Variants in LRP1B observed in about 807,000 individuals in gnomAD.
LRP1B encodes the protein LDL receptor related protein 1B, also known as low-density lipoprotein receptor-related protein 1B.
Under a neutral mutation model 556.6 loss-of-function variants are expected in LRP1B, and 217 were observed. The ratio of observed to expected loss-of-function variants is 0.39; its 90% CI spans 0.35 to 0.44. LRP1B has a LOEUF of 0.44. LRP1B is among the 20% of genes least tolerant of loss of function. LRP1B has a pLI of 1.00. For missense variants in LRP1B, 5,053 were observed against 5,620.8 expected, an observed-to-expected ratio of 0.90 and a Z score of 3.23; for synonymous variants, 2,047 against 1,865.8, an observed-to-expected ratio of 1.10 and a Z score of -2.50.
In LRP1B at chr2:141,519,360, G is replaced by GATATATATAT. The variant is rs60473210; in HGVS notation, c.206-38837_206-38828dup. ...CACCATGTGTGGGGCTTAAGTCAAT[G>GATATATATAT]ATATATATATATATATATATATATA... On this transcript the variant is annotated intron_variant, in intron 2 of 90. Coordinates refer to ENST00000389484, the MANE Select transcript of LRP1B (RefSeq NM_018557.3). Among the ~76,000 whole-genome samples, 603 of 67,916 alleles carry GATATATATAT rather than the reference G, an allele frequency of 8.9e-3. 10 individuals carry two copies. Among genetic ancestry groups the GATATATATAT allele is most frequent in the East Asian group, 0.018 (23 of 1,244 alleles). 44.6% of individuals were successfully genotyped at this position (67,916 alleles called of 152,430 possible).
chr2:141,882,377 C>T (rs1189230218), intron 1 of LRP1B, among the ~76,000 whole-genome samples: 3 of 152,066 alleles, frequency 2.0e-5, no homozygotes, highest in Non-Finnish European at 4.4e-5. Flanking sequence ...AACATTAAAC[C>T]CTAATATGGG....
chr2:140,706,828 C>CTTTTTTT (rs5834767), intron 37 of LRP1B, among the ~76,000 whole-genome samples: 1 of 150,478 alleles, frequency 6.6e-6, no homozygotes, highest in Non-Finnish European at 1.5e-5. Context: ...TCAGGAAAAA[C>CTTTTTTT]TTTTTTTTTT....
intron 1 of LRP1B, among the ~76,000 whole-genome samples, chr2:141,863,171 T>G (rs542864355): frequency 6.6e-6 from 1 of 152,186 alleles, no homozygotes; most frequent in Non-Finnish European, 1.5e-5. Context: ...TAAACTTCTA[T>G]AGCACCAAAC....
chr2:140,977,670 A>G (rs932905415), intron 18 of LRP1B, among the ~76,000 whole-genome samples: 1 of 152,222 alleles, frequency 6.6e-6, no homozygotes, highest in Non-Finnish European at 1.5e-5. Context: ...TAGAAATATA[A>G]ATTCTTGGGC....
chr2:141,083,232 G>A (rs1699968506), intron 7 of LRP1B, among the ~76,000 whole-genome samples: 1 of 151,968 alleles, frequency 6.6e-6, no homozygotes, highest in Non-Finnish European at 1.5e-5. Context: ...AATAAAATTT[G>A]TATTACTGTT....
At chr2:140,768,780 C>T (rs1372592786) in intron 35 of LRP1B, among the ~76,000 whole-genome samples, 1 of 151,830 alleles carries the variant, frequency 6.6e-6, no homozygotes, top group Non-Finnish European at 1.5e-5. Flanking sequence ...ATAATTGTTT[C>T]TAGTATTTGG....
intron 1 of LRP1B, among the ~76,000 whole-genome samples, chr2:141,956,775 T>A (rs576177222): frequency 1.3e-5 from 2 of 152,038 alleles, no homozygotes; most frequent in African/African-American, 4.8e-5. Context: ...GGATAAAACA[T>A]AGATAAATAT....
chr2:140,385,984 T>A lies in LRP1B; in HGVS notation c.10440A>T (p.Glu3480Asp). 1 of 1,612,760 alleles carries A rather than the reference T, an allele frequency of 6.2e-7. No homozygotes were observed. Among genetic ancestry groups the A allele is most frequent in the Non-Finnish European group, 8.5e-7 (1 of 1,178,878 alleles). Residue 3480 changes from glutamate (E) to aspartate (D), a missense_variant, in exon 67 of 91, where the codon GAA (glutamate) becomes GAT (aspartate). Coordinates refer to ENST00000389484, the MANE Select transcript of LRP1B (RefSeq NM_018557.3). ...NCDKKTCGPH[E>D]FQCKNNNCIP... is the part of the protein sequence containing the mutation. The stretch of plus-strand genomic sequence containing the variant: ...TACAGTTGTTGTTTTTACACTGGAA[T>A]TCATGAGGTCCACAAGTCTTTTTAT...
At chr2:141,684,920 A>G (rs965893038) in intron 2 of LRP1B, among the ~76,000 whole-genome samples, 2 of 152,070 alleles carry the variant, frequency 1.3e-5, no homozygotes, top group South Asian at 4.1e-4. Flanking sequence ...GCTCAGGTAC[A>G]AGCATACCTA....
chr2:140,812,461 TTTTAA>T (rs960844562), intron 32 of LRP1B, among the ~76,000 whole-genome samples: 1 of 152,106 alleles, frequency 6.6e-6, no homozygotes, highest in African/African-American at 2.4e-5. Flanking sequence ...ATCTAGATAT[TTTTAA>T]TTTAATTGAA....
chr2:141,036,117 G>C (rs1698525984), intron 11 of LRP1B, among the ~76,000 whole-genome samples: 1 of 151,908 alleles, frequency 6.6e-6, no homozygotes, highest in Admixed American at 6.6e-5. Flanking sequence ...TAGGTCTCAA[G>C]ACAGCAAAAT....
chr2:140,973,901 C>T (rs968082685), intron 18 of LRP1B, among the ~76,000 whole-genome samples: 3 of 152,068 alleles, frequency 2.0e-5, no homozygotes, highest in African/African-American at 7.2e-5. Flanking sequence ...GAATATTAAT[C>T]TCTCATTTTA....
At position 140,608,939 on chromosome 2, in the gene LRP1B, A is replaced by C. The variant is rs529748871; in HGVS notation, c.6800-7300T>G. Among the ~76,000 whole-genome samples the C allele has an allele frequency of 1.7e-4, 26 of 152,342 alleles. 1 individual carries two copies. The highest frequency in any genetic ancestry group is 5.8e-4 in the African/African-American group (24 of 41,594). On this transcript the variant is annotated intron_variant, in intron 41 of 90. Coordinates refer to ENST00000389484, the MANE Select transcript of LRP1B (RefSeq NM_018557.3). ...GATTTCAGACTCAGCTGAAAATTAT[A>C]TAGACTCAGACATGTCTCAAGAATT...
At chr2:142,015,541 G>A (rs1179054915) in intron 1 of LRP1B, among the ~76,000 whole-genome samples, 2 of 152,170 alleles carry the variant, frequency 1.3e-5, no homozygotes, top group African/African-American at 2.4e-5. Flanking sequence ...TTAAACGAAA[G>A]AGCTTCTGCA....
intron 2 of LRP1B, among the ~76,000 whole-genome samples, chr2:141,693,379 T>A (rs7604167): frequency 0.42 from 63,442 of 151,900 alleles, 14,018 homozygotes; most frequent in East Asian, 0.68. Flanking sequence ...GATTAAATTG[T>A]AGCTTATTTT....
At chr2:141,116,377 C>T (rs1239308078) in intron 7 of LRP1B, among the ~76,000 whole-genome samples, 2 of 152,044 alleles carry the variant, frequency 1.3e-5, no homozygotes, top group Admixed American at 6.6e-5. Flanking sequence ...TTTTAAAAAT[C>T]GTTTCTGATA....
intron 3 of LRP1B, among the ~76,000 whole-genome samples, chr2:141,285,610 C>G (rs1347871193): frequency 6.7e-6 from 1 of 148,198 alleles, no homozygotes; most frequent in East Asian, 2.1e-4. Flanking sequence ...TGCCCGCCAC[C>G]AAGGCCGGCT....
intron 35 of LRP1B, among the ~76,000 whole-genome samples, chr2:140,733,264 G>T (rs1416118436): frequency 6.6e-6 from 1 of 152,106 alleles, no homozygotes; most frequent in African/African-American, 2.4e-5. Context: ...ATGAGGGAGA[G>T]TGTGACCATA....
intron 2 of LRP1B, among the ~76,000 whole-genome samples, chr2:141,498,883 T>C (rs995693850): frequency 6.6e-6 from 1 of 152,098 alleles, no homozygotes; most frequent in African/African-American, 2.4e-5. Flanking sequence ...AGTGAGGGCT[T>C]CTACAAAGTC....
Sources: allele counts gnomAD v4.1 joint callset (sites outside exome capture counted in the v4.1 genomes callset), GRCh38; gene constraint gnomAD v4.1.1; transcripts MANE v1.5; gene names NCBI Gene and HGNC (gene_info 2026-07-23, HGNC 2026-07-21).